SLC1A2: variants seen among roughly 807,000 people sequenced by gnomAD.
SLC1A2 encodes the protein excitatory amino acid transporter 2.
In SLC1A2, 15 loss-of-function variants were observed where a neutral mutation model predicts 48.8. That is an observed-to-expected ratio of 0.31 (90% CI 0.21 to 0.47). SLC1A2 has a LOEUF of 0.47. Ranked by LOEUF, SLC1A2 falls within the 20% of genes least tolerant of loss-of-function variation. The pLI is 0.99. For missense variants in SLC1A2, 502 were observed against 730.5 expected, an observed-to-expected ratio of 0.69 and a Z score of 3.61; for synonymous variants, 279 against 272.6, an observed-to-expected ratio of 1.02 and a Z score of -0.23.
intron 7 of SLC1A2, among the ~76,000 whole-genome samples, chr11:35,287,245 C>T (rs1439563870): frequency 9.4e-5 from 14 of 148,344 alleles, no homozygotes; most frequent in Admixed American, 2.7e-4. Flanking sequence ...ACCTTGGATT[C>T]GATATTGAAG....
At chr11:35,345,182 G>A (rs1852983547) in intron 1 of SLC1A2, among the ~76,000 whole-genome samples, 1 of 152,200 alleles carries the variant, frequency 6.6e-6, no homozygotes, top group Admixed American at 6.5e-5. Context: ...GCCGCCAAAG[G>A]ACTCGCAGTG....
chr11:35,326,658 G>C (rs1427080670), intron 1 of SLC1A2, among the ~76,000 whole-genome samples: 1 of 152,220 alleles, frequency 6.6e-6, no homozygotes, highest in Non-Finnish European at 1.5e-5. Context: ...AAGAAGGCAA[G>C]TCACTACCAT....
intron 9 of SLC1A2, among the ~76,000 whole-genome samples, chr11:35,267,042 C>A (rs1341565645): frequency 6.6e-6 from 1 of 152,202 alleles, no homozygotes; most frequent in Non-Finnish European, 1.5e-5. Context: ...CTCTCAGGGG[C>A]ATCTCTCCAT....
intron 1 of SLC1A2, among the ~76,000 whole-genome samples, chr11:35,346,027 A>G (rs1853019471): frequency 6.6e-6 from 1 of 152,144 alleles, no homozygotes; most frequent in Non-Finnish European, 1.5e-5. Context: ...TAAGCATAAG[A>G]GCTGCAACAA....
At position 35,255,438 on chromosome 11, in the gene SLC1A2, GA is replaced by G. The variant is rs1406471712; in HGVS notation, c.*5455del. On this transcript the variant is annotated 3_prime_UTR_variant, in exon 11 of 11. Coordinates refer to ENST00000278379, the MANE Select transcript of SLC1A2 (RefSeq NM_004171.4). ...TAAAAACAAACCAAGAGGAAAATGT[GA>G]AAATGAATTTGCGGGCTTACTTGTG... The G allele has an allele frequency of 6.6e-6, 1 of 152,318 alleles. No homozygotes were observed. The allele number at this position is 152,318 out of a possible 1,614,324, so 9.4% of individuals were successfully genotyped here.
Position 35,419,114 on chromosome 11 carries a change from C to A in SLC1A2, c.-148G>T. The A allele has an allele frequency of 1.7e-6, 1 of 582,760 alleles. No individual in the cohort carries two copies. The highest frequency in any genetic ancestry group is 3.0e-5 in the South Asian group (1 of 33,888). The allele number at this position is 582,760 out of a possible 1,614,324, so 36.1% of individuals were successfully genotyped here. A position where few individuals can be genotyped will look rare whatever the true frequency, so the allele number is the denominator to read the frequency against. On this transcript the variant is annotated 5_prime_UTR_variant, in exon 1 of 11. Coordinates refer to ENST00000278379, the MANE Select transcript of SLC1A2 (RefSeq NM_004171.4). The surrounding 1 kb of genome is among the most constrained non-coding windows in gnomAD (Gnocchi z 5.4). ...CCTTCCACCCGCCTCCGGGGTAAGC[C>A]CTTTAGCGCCTCAACGGGCGCAGGA...
intron 1 of SLC1A2, among the ~76,000 whole-genome samples, chr11:35,363,820 C>T (rs1158355626): frequency 6.6e-6 from 1 of 152,126 alleles, no homozygotes; most frequent in African/African-American, 2.4e-5. Context: ...GTGTTTTGAA[C>T]AGGAGGGGCA....
intron 1 of SLC1A2, among the ~76,000 whole-genome samples, chr11:35,382,862 T>C (rs1299465850): frequency 6.6e-6 from 1 of 151,992 alleles, no homozygotes; most frequent in African/African-American, 2.4e-5. Flanking sequence ...ACCTTTAAGG[T>C]ATTATTGTTT....
chr11:35,325,140 G>A (rs574056885), intron 1 of SLC1A2, among the ~76,000 whole-genome samples: 91 of 152,286 alleles, frequency 6.0e-4, no homozygotes, highest in Non-Finnish European at 1.1e-3. Flanking sequence ...GTTTTGAGCC[G>A]GGGCAACTTG....
Position 35,268,623 on chromosome 11 carries a change from C to T in SLC1A2, c.1422-2865G>A, listed in dbSNP as rs555317804. Among the ~76,000 whole-genome samples, 732 of 150,722 alleles carry T rather than the reference C, an allele frequency of 4.9e-3. 5 individuals carry two copies. The highest frequency in any genetic ancestry group is 0.017 in the African/African-American group (704 of 40,900). ...GAGGTTGCAGTGAGCCGAGATGGTG[C>T]CACTACACTCCAGTCTGGGCAAGAG... On this transcript the variant is annotated intron_variant, in intron 9 of 10. Transcript: ENST00000278379.
intron 1 of SLC1A2, among the ~76,000 whole-genome samples, chr11:35,417,888 A>G (rs1247166337): frequency 6.6e-6 from 1 of 152,196 alleles, no homozygotes. Context: ...AAGCCTGCGG[A>G]GTTGGTAAAA....
rs1348537275 is a variant in SLC1A2, at chr11:35,280,809, T to G, written c.1421+58A>C. 4 of 1,253,630 alleles carry G rather than the reference T, an allele frequency of 3.2e-6. No individual in the cohort carries two copies. In the East Asian group the frequency reaches 1.0e-4, roughly 33 times the overall value. 77.7% of individuals were successfully genotyped at this position (1,253,630 alleles called of 1,614,324 possible). On this transcript the variant is annotated intron_variant, in intron 9 of 10. Coordinates refer to ENST00000278379, the MANE Select transcript of SLC1A2 (RefSeq NM_004171.4). ...ATCTTGGTTGCAACCTTGCCACCTG[T>G]GCATCCCTAGGAGGCAGTACTCACA...
chr11:35,276,825 A>C (rs1304491908), intron 9 of SLC1A2, among the ~76,000 whole-genome samples: 1 of 152,256 alleles, frequency 6.6e-6, no homozygotes, highest in East Asian at 1.9e-4. Flanking sequence ...AAATAGGTCA[A>C]AAATATTTCT....
At chr11:35,332,724 C>G (rs1852471325) in intron 1 of SLC1A2, among the ~76,000 whole-genome samples, 1 of 152,124 alleles carries the variant, frequency 6.6e-6, no homozygotes, top group Non-Finnish European at 1.5e-5. Context: ...CCCCATCTGC[C>G]CTGAACACAC....
chr11:35,258,996 C>T lies in SLC1A2; in HGVS notation c.*1898G>A, dbSNP rs1950353800. 1 of 151,082 alleles carries T rather than the reference C, an allele frequency of 6.6e-6. No individual in the cohort carries two copies. The highest frequency in any genetic ancestry group is 2.5e-5 in the African/African-American group (1 of 40,748). 9.4% of individuals were successfully genotyped at this position (151,082 alleles called of 1,614,324 possible). On this transcript the variant is annotated 3_prime_UTR_variant, in exon 11 of 11. Transcript: ENST00000278379. Reference sequence around the variant, plus strand: ...TTTCTACTACTACACTTAATCATATCCCTTGACCACCCTGACCCTGTTTAC... The same window carrying T: ...TTTCTACTACTACACTTAATCATATTCCTTGACCACCCTGACCCTGTTTAC...
At chr11:35,337,669 G>T (rs7926964) in intron 1 of SLC1A2, among the ~76,000 whole-genome samples, 4 of 152,126 alleles carry the variant, frequency 2.6e-5, no homozygotes, top group African/African-American at 9.7e-5. Context: ...GTCCTTTAAG[G>T]TTGCAGAAGA....
At chr11:35,364,943 C>T (rs1351737274) in intron 1 of SLC1A2, among the ~76,000 whole-genome samples, 2 of 152,168 alleles carry the variant, frequency 1.3e-5, no homozygotes, top group African/African-American at 4.8e-5. Context: ...AAAAAGAAGT[C>T]CATACCTGGT....
chr11:35,354,634 A>C (rs1853390041), intron 1 of SLC1A2, among the ~76,000 whole-genome samples: 1 of 152,054 alleles, frequency 6.6e-6, no homozygotes, highest in South Asian at 2.1e-4. Flanking sequence ...ACCCCCCAAA[A>C]CAAAGAATTA....
chr11:35,345,380 G>A (rs1164094191), intron 1 of SLC1A2, among the ~76,000 whole-genome samples: 2 of 152,228 alleles, frequency 1.3e-5, no homozygotes, highest in African/African-American at 4.8e-5. Context: ...TGAGTTCTGA[G>A]GAAACTGAGG....
Sources: gnomAD v4.1 joint callset for allele counts (sites outside exome capture counted in the v4.1 genomes callset) on GRCh38, gnomAD v4.1.1 for gene constraint, Gnocchi (gnomAD v3.1) non-coding constraint, MANE v1.5 for transcripts, NCBI Gene and HGNC (gene_info 2026-07-23, HGNC 2026-07-21) for gene names.